The following ELAVL4 variants were observed in gnomAD, a reference collection of about 807,000 sequenced individuals.
ELAVL4 encodes the protein ELAV-like protein 4.
A neutral mutation model predicts 35.6 loss-of-function variants in ELAVL4; 1 was observed. The ratio of observed to expected loss-of-function variants is 0.03; its 90% confidence interval spans 0.01 to 0.13. The LOEUF (loss-of-function observed/expected upper bound fraction) is 0.13, where lower values mean the gene tolerates loss of function less well. ELAVL4 is among the 10% of genes least tolerant of loss of function. The pLI is 1.00. For synonymous variants in ELAVL4, 156 were observed against 171.0 expected, an observed-to-expected ratio of 0.91 and a Z score of 0.69; for missense variants, 267 against 464.9, an observed-to-expected ratio of 0.57 and a Z score of 3.91.
At chr1:50,185,318 A>G (rs1681656800) in intron 3 of ELAVL4, among the ~76,000 whole-genome samples, 1 of 152,256 alleles carries the variant, frequency 6.6e-6, no homozygotes, top group Admixed American at 6.5e-5. Flanking sequence ...ACCTTGGGCA[A>G]CTTACTTTAC....
upstream of ELAVL4, among the ~76,000 whole-genome samples, chr1:50,106,948 G>A (rs1258852280): frequency 6.6e-5 from 10 of 152,010 alleles, no homozygotes; most frequent in Admixed American, 6.5e-4. Context: ...GGGAGAAAAG[G>A]GTTTTTAAAA....
intron 3 of ELAVL4, chr1:50,180,127 A>T (rs190899899): frequency 1.6e-4 from 24 of 150,544 alleles, no homozygotes; most frequent in African/African-American, 5.9e-4. Flanking sequence ...CCACCCCCCA[A>T]CCCACCCCCA....
chr1:50,186,131 T>C (rs1024792831), intron 3 of ELAVL4, among the ~76,000 whole-genome samples: 1 of 152,210 alleles, frequency 6.6e-6, no homozygotes, highest in Admixed American at 6.5e-5. Flanking sequence ...TTAAAAGAAA[T>C]ACTTGTCTGG....
intron 1 of ELAVL4, among the ~76,000 whole-genome samples, chr1:50,092,046 T>A (rs1008709103): frequency 6.6e-6 from 1 of 152,202 alleles, no homozygotes; most frequent in Non-Finnish European, 1.5e-5. Context: ...CATTAATCCA[T>A]CTGTCCATCC....
At chr1:50,107,750 A>G (rs1666457213), upstream of ELAVL4, among the ~76,000 whole-genome samples, 1 of 152,232 alleles carries the variant, frequency 6.6e-6, no homozygotes, top group Non-Finnish European at 1.5e-5. Context: ...AAATAGTGAC[A>G]CATTAGTCTT....
At chr1:50,127,045 TA>T (rs762561146) in intron 1 of ELAVL4, among the ~76,000 whole-genome samples, 21 of 150,994 alleles carry the variant, frequency 1.4e-4, no homozygotes, top group South Asian at 6.3e-4. Flanking sequence ...AGAGAACGCT[TA>T]AAAAAAAAGC....
intron 1 of ELAVL4, among the ~76,000 whole-genome samples, chr1:50,056,838 A>G (rs1663699955): frequency 6.6e-6 from 1 of 151,908 alleles, no homozygotes; most frequent in South Asian, 2.1e-4. Context: ...AGGCTGAGGC[A>G]GGAGAATGGC....
chr1:50,164,946 A>C (rs978380312), intron 2 of ELAVL4, among the ~76,000 whole-genome samples: 5 of 152,186 alleles, frequency 3.3e-5, no homozygotes, highest in African/African-American at 1.2e-4. Context: ...AAGAGAAATG[A>C]ATAAAGCAGC....
upstream of ELAVL4, among the ~76,000 whole-genome samples, chr1:50,104,496 G>A (rs1666157594): frequency 6.6e-6 from 1 of 152,230 alleles, no homozygotes; most frequent in Admixed American, 6.5e-5. Flanking sequence ...ATGGTATTAA[G>A]TGATGCCGTC....
intron 1 of ELAVL4, among the ~76,000 whole-genome samples, chr1:50,110,497 A>T (rs1177816930): frequency 1.3e-5 from 2 of 152,294 alleles, no homozygotes; most frequent in African/African-American, 4.8e-5. Context: ...TATTTTTAGC[A>T]TCATCTTTTT....
intron 3 of ELAVL4, among the ~76,000 whole-genome samples, chr1:50,193,318 G>A (rs140680847): frequency 1.2e-3 from 179 of 150,940 alleles, no homozygotes; most frequent in African/African-American, 4.1e-3. Context: ...GGGGATGGGG[G>A]TAGGGAGGGT....
chr1:50,137,740 A>G (rs1000695767), intron 1 of ELAVL4, among the ~76,000 whole-genome samples: 1 of 152,190 alleles, frequency 6.6e-6, no homozygotes. Context: ...TCTGAGAGCA[A>G]GAAATCATAT....
chr1:50,061,299 G>A (rs1663955760), intron 1 of ELAVL4, among the ~76,000 whole-genome samples: 7 of 152,114 alleles, frequency 4.6e-5, no homozygotes, highest in Admixed American at 4.6e-4. Context: ...AATCCCTTAA[G>A]GCAAGGCATG....
At chr1:50,057,374 A>T (rs1572101246) in intron 1 of ELAVL4, among the ~76,000 whole-genome samples, 1 of 152,276 alleles carries the variant, frequency 6.6e-6, no homozygotes, top group Middle Eastern at 3.4e-3. Context: ...TTAAAAGAAA[A>T]AACATTTTTA....
chr1:50,158,297 A>T (rs1676107123), intron 2 of ELAVL4, among the ~76,000 whole-genome samples: 1 of 152,200 alleles, frequency 6.6e-6, no homozygotes, highest in South Asian at 2.1e-4. Context: ...ACAGCTTCTA[A>T]GTGGCAAAGT....
At chr1:50,140,617 G>A (rs1430337848) in intron 1 of ELAVL4, among the ~76,000 whole-genome samples, 1 of 151,492 alleles carries the variant, frequency 6.6e-6, no homozygotes, top group Admixed American at 6.6e-5. Flanking sequence ...TTCAGCCTGT[G>A]TTGCATCCTA....
chr1:50,093,755 C>T lies in ELAVL4; in HGVS notation c.18+45573C>T, dbSNP rs150597572. Among the ~76,000 whole-genome samples the T allele has an allele frequency of 4.5e-3, 681 of 152,204 alleles. 4 individuals are homozygous for T. Among genetic ancestry groups the T allele is most frequent in the Admixed American group, 0.014 (217 of 15,280 alleles). On this transcript the variant is annotated intron_variant, in intron 1 of 6. Transcript: ENST00000448907. ...ATTCTATTCTGGACACTTCAGGGAC[C>T]CGTAAGTATGAACAAAACGTGGTCT... is the stretch of plus-strand genomic sequence containing the variant.
rs76818094 is a variant in ELAVL4, at chr1:50,148,086, G to T, written c.250+2889G>T. 5.1e-3 allele frequency among the ~76,000 whole-genome samples: 779 copies of T among 152,298 alleles called. 1 individual carries two copies. The highest frequency in any genetic ancestry group is 9.1e-3 in the Non-Finnish European group (621 of 68,022). ...TTTATCAAGCACTTCATCTGTGCTG[G>T]ATACTTGCTAAGCGCTGGACATACC... is the stretch of plus-strand genomic sequence containing the variant. On this transcript the variant is annotated intron_variant, in intron 2 of 6. Transcript: ENST00000371824.
At chr1:50,066,188 G>A (rs184806349) in intron 1 of ELAVL4, among the ~76,000 whole-genome samples, 67 of 152,170 alleles carry the variant, frequency 4.4e-4, no homozygotes, top group Admixed American at 4.1e-3. Flanking sequence ...GAAACAAATC[G>A]TTGTATCATG....
Sources: allele counts gnomAD v4.1 joint callset (sites outside exome capture counted in the v4.1 genomes callset), GRCh38; gene constraint gnomAD v4.1.1; transcripts MANE v1.5; gene names NCBI Gene and HGNC (gene_info 2026-07-23, HGNC 2026-07-21).